The following NAA60 variants were observed in gnomAD, a reference collection of about 807,000 sequenced individuals.
The protein encoded by NAA60 is N-alpha-acetyltransferase 60, NatF catalytic subunit.
A neutral mutation model predicts 26.1 loss-of-function variants in NAA60; 8 were observed. The ratio of observed to expected loss-of-function variants is 0.31; its 90% CI spans 0.18 to 0.55. NAA60 has a LOEUF of 0.55. Ranked by LOEUF, NAA60 falls within the 20% of genes least tolerant of loss-of-function variation. The pLI is 0.93. For synonymous variants in NAA60, 131 were observed against 122.5 expected, an observed-to-expected ratio of 1.07 and a Z score of -0.46; for missense variants, 290 against 311.3, an observed-to-expected ratio of 0.93 and a Z score of 0.51.
chr16:3,451,048 A>G (rs1041449048), intron 2 of NAA60, among the ~76,000 whole-genome samples: 1 of 152,206 alleles, frequency 6.6e-6, no homozygotes, highest in African/African-American at 2.4e-5. Flanking sequence ...ACTCTGTTCC[A>G]TTCTAGAAGC....
intron 2 of NAA60, among the ~76,000 whole-genome samples, chr16:3,456,022 T>G (rs2034977088): frequency 6.6e-6 from 1 of 151,420 alleles, no homozygotes. Context: ...AGAGTAAAGT[T>G]TGAAGGGATG....
At chr16:3,466,000 T>G (rs903536069) in intron 2 of NAA60, among the ~76,000 whole-genome samples, 5 of 152,242 alleles carry the variant, frequency 3.3e-5, no homozygotes, top group Non-Finnish European at 7.3e-5. Flanking sequence ...CCGGAACACC[T>G]GTGGCCGTTG....
chr16:3,449,871 T>C (rs2034705093), intron 2 of NAA60: 1 of 382,216 alleles, frequency 2.6e-6, no homozygotes, highest in Non-Finnish European at 4.6e-6. Flanking sequence ...CCCTCTTTTG[T>C]CTGCCACCAT....
At chr16:3,443,877 G>C (rs1485683155) in intron 1 of NAA60, 40 bp downstream of exon 1, 3 of 1,521,300 alleles carry the variant, frequency 2.0e-6, no homozygotes, top group Admixed American at 4.0e-5. Context: ...CTGAAATTTC[G>C]GTCTGGCCAG....
At chr16:3,485,443 G>A in intron 7 of NAA60, 24 bp from the exon 8 acceptor site, 2 of 458,504 alleles carry the variant, frequency 4.4e-6, no homozygotes, top group Non-Finnish European at 8.8e-6. Context: ...CCTTCACCCT[G>A]CCCTGCTCTT....
intron 2 of NAA60, among the ~76,000 whole-genome samples, chr16:3,461,726 A>G (rs1327781268): frequency 6.6e-6 from 1 of 152,226 alleles, no homozygotes; most frequent in Non-Finnish European, 1.5e-5. Context: ...AGACATGCAG[A>G]ACAAATGTTT....
intron 2 of NAA60, chr16:3,458,069 G>A (rs1400660970): frequency 2.0e-6 from 2 of 985,220 alleles, no homozygotes; most frequent in Non-Finnish European, 1.2e-6. Context: ...TGCGGCCCCT[G>A]CCGGTTACAT....
intron 2 of NAA60, among the ~76,000 whole-genome samples, chr16:3,466,330 T>G (rs1176091765): frequency 6.6e-6 from 1 of 152,240 alleles, no homozygotes; most frequent in Non-Finnish European, 1.5e-5. Flanking sequence ...GGGTGTTTGC[T>G]TCTTGTCACC....
intron 2 of NAA60, among the ~76,000 whole-genome samples, chr16:3,468,379 T>C (rs949779106): frequency 1.3e-5 from 2 of 152,142 alleles, no homozygotes; most frequent in Admixed American, 1.3e-4. Flanking sequence ...CAGCATGAAT[T>C]GGCCTTAGGT....
intron 4 of NAA60, among the ~76,000 whole-genome samples, chr16:3,479,942 G>A (rs574300512): frequency 1.4e-4 from 21 of 152,302 alleles, no homozygotes; most frequent in East Asian, 1.9e-4. Context: ...CATAGAAACC[G>A]CTAAGACTGC....
chr16:3,471,428 G>A (rs1413087231), intron 2 of NAA60, among the ~76,000 whole-genome samples: 3 of 152,122 alleles, frequency 2.0e-5, no homozygotes, highest in African/African-American at 7.2e-5. Context: ...GCGTGAACCC[G>A]GGAGGCGGAG....
intron 4 of NAA60, among the ~76,000 whole-genome samples, chr16:3,481,099 G>T (rs1356856771): frequency 6.6e-6 from 1 of 152,010 alleles, no homozygotes; most frequent in Admixed American, 6.6e-5. Flanking sequence ...GTAGCAGAAA[G>T]CAAGTGTCAA....
At chr16:3,484,389 A>G (rs894274944) in intron 6 of NAA60, among the ~76,000 whole-genome samples, 2 of 152,186 alleles carry the variant, frequency 1.3e-5, no homozygotes, top group Non-Finnish European at 2.9e-5. Flanking sequence ...AGGGAGAACC[A>G]GAAGCACCTG....
At chr16:3,465,266 CAAAAAA>C (rs529847098) in intron 2 of NAA60, among the ~76,000 whole-genome samples, 1 of 87,678 alleles carries the variant, frequency 1.1e-5, no homozygotes, top group Non-Finnish European at 2.4e-5. Context: ...GACTCTGTCT[CAAAAAA>C]AAAAAAAAAA....
intron 2 of NAA60, among the ~76,000 whole-genome samples, chr16:3,475,881 G>A (rs541742608): frequency 1.2e-4 from 19 of 152,368 alleles, no homozygotes; most frequent in South Asian, 2.1e-4. Context: ...GGCTGGGGCC[G>A]TTGACCCTCG....
Position 3,457,989 on chromosome 16 carries a change from G to A in NAA60, c.-7+9449G>A, listed in dbSNP as rs572454660. ...GGCCACGTGGGGGCGGCGGCCAATG[G>A]GCTTCCGGGCTGCGCTGCCGGCAGG... On this transcript the variant is annotated intron_variant, in intron 2 of 7. Transcript: ENST00000407558. 16 of 985,388 alleles carry A rather than the reference G, an allele frequency of 1.6e-5. No individual in the cohort carries two copies. In the Admixed American group the frequency reaches 4.3e-4, roughly 26 times the overall value. 61.0% of individuals were successfully genotyped at this position (985,388 alleles called of 1,614,324 possible).
chr16:3,458,015 G>T (rs1279372612), intron 2 of NAA60: 1 of 985,268 alleles, frequency 1.0e-6, no homozygotes, highest in East Asian at 1.1e-4. Context: ...TGCCGGCAGG[G>T]AGCGGGAGGC....
chr16:3,456,637 G>T (rs1194548978), intron 2 of NAA60: 2 of 151,780 alleles, frequency 1.3e-5, no homozygotes, highest in African/African-American at 4.9e-5. Flanking sequence ...CTGCAGGAGA[G>T]GCTGAGAAAT....
intron 2 of NAA60, 127 bp from the exon 3 acceptor site, chr16:3,476,095 G>C (rs1196044138): frequency 1.5e-6 from 1 of 661,492 alleles, no homozygotes; most frequent in African/African-American, 1.8e-5. Flanking sequence ...AGAGGCCTCT[G>C]AGTGCTGGCT....
Sources: allele counts gnomAD v4.1 joint callset (sites outside exome capture counted in the v4.1 genomes callset), GRCh38; gene constraint gnomAD v4.1.1; transcripts MANE v1.5; gene names NCBI Gene and HGNC (gene_info 2026-07-23, HGNC 2026-07-21).